The following RNF19A variants were observed in gnomAD, a reference collection of about 807,000 sequenced individuals.
RNF19A encodes E3 ubiquitin-protein ligase RNF19A.
In RNF19A, 32 loss-of-function variants were observed where a neutral mutation model predicts 75.7. The observed-to-expected ratio is 0.42, with a 90% CI of 0.32 to 0.57. RNF19A has a LOEUF of 0.57. RNF19A is among the 20% of genes least tolerant of loss of function. The probability of loss-of-function intolerance (pLI) is 0.10; values close to 1 mark genes in which losing one functional copy is unlikely to be tolerated. For synonymous variants in RNF19A, 335 were observed against 345.2 expected (o/e 0.97, Z 0.33); for missense variants, 782 against 1,036.3 (o/e 0.75, Z 3.37).
chr8:100,297,781 C>A (rs1047756391), intron 1 of RNF19A, among the ~76,000 whole-genome samples: 1 of 152,118 alleles, frequency 6.6e-6, no homozygotes, highest in Non-Finnish European at 1.5e-5. Context: ...GTTACAGATA[C>A]AATTATCTAT....
intron 2 of RNF19A, among the ~76,000 whole-genome samples, chr8:100,277,443 C>G (rs896195479): frequency 6.6e-6 from 1 of 152,114 alleles, no homozygotes; most frequent in African/African-American, 2.4e-5. Flanking sequence ...TCCCGAGTAG[C>G]TGGGACTACA....
intron 1 of RNF19A, among the ~76,000 whole-genome samples, chr8:100,305,798 T>G (rs180969260): frequency 3.6e-4 from 55 of 152,352 alleles, no homozygotes; most frequent in African/African-American, 1.2e-3. Context: ...ACATTTCACA[T>G]AGTCTCATTT....
At chr8:100,280,034 T>C (rs1166738944) in intron 2 of RNF19A, among the ~76,000 whole-genome samples, 1 of 152,204 alleles carries the variant, frequency 6.6e-6, no homozygotes, top group Non-Finnish European at 1.5e-5. Context: ...GTTATCTCTA[T>C]ACTCCCTATG....
intron 3 of RNF19A, among the ~76,000 whole-genome samples, chr8:100,271,045 A>G (rs962220537): frequency 1.3e-5 from 2 of 152,146 alleles, no homozygotes; most frequent in Non-Finnish European, 2.9e-5. Flanking sequence ...GTCTTACATT[A>G]TAAGCATTAA....
chr8:100,287,369 T>C lies in RNF19A; in HGVS notation c.674+132A>G. On this transcript the variant is annotated intron_variant, in intron 2 of 9. Transcript: ENST00000341084. The surrounding 1 kb of genome is among the most constrained non-coding windows in gnomAD (Gnocchi z 4.1). ...TTAACACCTAGCATAGTGCCTGACA[T>C]ATGGTGTGCACTCAACATGTCTGTT... 1.4e-6 allele frequency: 1 copy of C among 724,002 alleles called. No individual in the cohort carries two copies. The highest frequency in any genetic ancestry group is 2.7e-5 in the East Asian group (1 of 37,420). The allele number at this position is 724,002 out of a possible 1,614,324, so 44.8% of individuals were successfully genotyped here. A position where few individuals can be genotyped will look rare whatever the true frequency, so the allele number is the denominator to read the frequency against.
At chr8:100,328,147 T>G (rs1205216445) in intron 1 of RNF19A, among the ~76,000 whole-genome samples, 3 of 152,160 alleles carry the variant, frequency 2.0e-5, no homozygotes, top group Non-Finnish European at 4.4e-5. Context: ...ACAATGCACC[T>G]CCCTTTCTTT....
chr8:100,292,622 C>T (rs1821362789), intron 1 of RNF19A, among the ~76,000 whole-genome samples: 1 of 152,074 alleles, frequency 6.6e-6, no homozygotes, highest in Non-Finnish European at 1.5e-5. Flanking sequence ...TTTAAAATCC[C>T]TTCACATGTT....
At chr8:100,270,131 G>T in intron 3 of RNF19A, 118 bp from the exon 4 acceptor site, 1 of 739,690 alleles carries the variant, frequency 1.4e-6, no homozygotes, top group Non-Finnish European at 2.0e-6. Context: ...TTAACTTATA[G>T]CTTCAGCCTG....
chr8:100,294,775 C>A (rs1046540986), intron 1 of RNF19A, among the ~76,000 whole-genome samples: 2 of 152,144 alleles, frequency 1.3e-5, no homozygotes, highest in Non-Finnish European at 2.9e-5. Flanking sequence ...GATGCTGTCA[C>A]AGGAAATTTT....
intron 1 of RNF19A, among the ~76,000 whole-genome samples, chr8:100,320,484 G>A (rs1660313): frequency 0.32 from 49,187 of 152,000 alleles, 8,632 homozygotes; most frequent in East Asian, 0.41. Context: ...GTTGAAAAAT[G>A]CTATAACCAA....
In RNF19A at chr8:100,261,432, T is replaced by C; in HGVS notation, c.1682+110A>G. On this transcript the variant is annotated intron_variant, in intron 8 of 9. Coordinates refer to ENST00000341084, the MANE Select transcript of RNF19A (RefSeq NM_183419.4). The surrounding 1 kb of genome is among the most constrained non-coding windows in gnomAD (Gnocchi z 4.4). ...ATTTTTAACATTACTATTTTGAACC[T>C]TGACATAGTAGGGTTATATATAATC... 1.0e-6 allele frequency: 1 copy of C among 968,224 alleles called. No homozygotes were observed. Among genetic ancestry groups the C allele is most frequent in the African/African-American group, 1.6e-5 (1 of 61,664 alleles). The allele number at this position is 968,224 out of a possible 1,614,324, so 60.0% of individuals were successfully genotyped here.
rs1007154353 is a variant in RNF19A at position 100,257,365 on chromosome 8, A to C, written c.*1191T>G. 2.0e-5 allele frequency: 3 copies of C among 152,604 alleles called. No homozygotes were observed. The highest frequency in any genetic ancestry group is 7.2e-5 in the African/African-American group (3 of 41,460). The allele number at this position is 152,604 out of a possible 1,614,324, so 9.5% of individuals were successfully genotyped here. On this transcript the variant is annotated 3_prime_UTR_variant, in exon 10 of 10. Transcript: ENST00000341084. ...CATTGAGGTTAACCTGCTTTTATTTAAGTGAATTATACAGGAAATTAACAG... is the reference window on the plus strand; with the variant it reads ...CATTGAGGTTAACCTGCTTTTATTTCAGTGAATTATACAGGAAATTAACAG...
Position 100,275,613 on chromosome 8 carries a change from A to T in RNF19A, c.675-452T>A, listed in dbSNP as rs1820470350. ...TAGCCTAATCTCAATTTTATAAAAAACCATATTAAATTAGTACAGTATTGT... is the reference window on the plus strand; with the variant it reads ...TAGCCTAATCTCAATTTTATAAAAATCCATATTAAATTAGTACAGTATTGT... On this transcript the variant is annotated intron_variant, in intron 2 of 9. Coordinates refer to ENST00000341084, the MANE Select transcript of RNF19A (RefSeq NM_183419.4). The surrounding 1 kb of genome is among the most constrained non-coding windows in gnomAD (Gnocchi z 4.3). 6.6e-6 allele frequency among the ~76,000 whole-genome samples: 1 copy of T among 152,126 alleles called. No homozygotes were observed. The highest frequency in any genetic ancestry group is 2.4e-5 in the African/African-American group (1 of 41,414).
chr8:100,328,973 A>T (rs1332181724), intron 1 of RNF19A, among the ~76,000 whole-genome samples: 1 of 152,180 alleles, frequency 6.6e-6, no homozygotes, highest in East Asian at 1.9e-4. Context: ...GGATCTAGGA[A>T]TCTGGGTCTT....
At chr8:100,262,370 T>C (rs976223985) in intron 7 of RNF19A, among the ~76,000 whole-genome samples, 8 of 152,190 alleles carry the variant, frequency 5.3e-5, no homozygotes, top group Non-Finnish European at 8.8e-5. Context: ...AGAAGGCCTC[T>C]TTGATAAGGT....
At chr8:100,298,655 C>A (rs1307939522) in intron 1 of RNF19A, among the ~76,000 whole-genome samples, 1 of 152,182 alleles carries the variant, frequency 6.6e-6, no homozygotes, top group East Asian at 1.9e-4. Context: ...GCTTCACAAA[C>A]ACGCACCTGC....
In RNF19A at chr8:100,287,460, A is replaced by G. The variant is rs1344739041; in HGVS notation, c.674+41T>C. On this transcript the variant is annotated intron_variant, in intron 2 of 9. Coordinates refer to ENST00000341084, the MANE Select transcript of RNF19A (RefSeq NM_183419.4). The surrounding 1 kb of genome is among the most constrained non-coding windows in gnomAD (Gnocchi z 4.1). ...ATAGCAAATTATTTTATCCACAGAG[A>G]AAAAAATTAACTCAAGAAAAATCAA... 6.5e-7 allele frequency: 1 copy of G among 1,533,014 alleles called. No individual in the cohort carries two copies. Among genetic ancestry groups the G allele is most frequent in the Non-Finnish European group, 8.7e-7 (1 of 1,143,826 alleles). 95.0% of individuals were successfully genotyped at this position (1,533,014 alleles called of 1,614,324 possible). A position where few individuals can be genotyped will look rare whatever the true frequency, so the allele number is the denominator to read the frequency against.
At chr8:100,309,843 G>C (rs1822230573) in intron 1 of RNF19A, 24 bp downstream of exon 1, 2 of 985,604 alleles carry the variant, frequency 2.0e-6, no homozygotes, top group South Asian at 9.4e-5. Flanking sequence ...CGGGGCGCAA[G>C]CTCCTCCGGG....
At chr8:100,303,613 T>C (rs1327548458) in intron 1 of RNF19A, among the ~76,000 whole-genome samples, 1 of 152,102 alleles carries the variant, frequency 6.6e-6, no homozygotes. Flanking sequence ...CTAAAGGATA[T>C]TTAACGTTTG....
Sources: allele counts gnomAD v4.1 joint callset (sites outside exome capture counted in the v4.1 genomes callset), GRCh38; gene constraint gnomAD v4.1.1; non-coding constraint Gnocchi (gnomAD v3.1); transcripts MANE v1.5; gene names NCBI Gene and HGNC (gene_info 2026-07-23, HGNC 2026-07-21).